The following ROCK2 variants were observed in gnomAD, a reference collection of about 807,000 sequenced individuals.
ROCK2 encodes the protein Rho associated coiled-coil containing protein kinase 2.
ROCK2 carries 61 observed loss-of-function variants against 195.1 expected under a neutral mutation model. The ratio of observed to expected loss-of-function variants is 0.31; its 90% confidence interval spans 0.25 to 0.39. ROCK2 has a LOEUF of 0.39. Among genes scored for constraint, ROCK2 ranks in the 10% least tolerant of loss-of-function variants. The pLI, the probability that ROCK2 is intolerant of heterozygous loss-of-function variation, is 1.00. For missense variants in ROCK2, 1,109 were observed against 1,637.4 expected (o/e 0.68, Z 5.57); for synonymous variants, 504 against 545.5 (o/e 0.92, Z 1.06).
At chr2:11,239,125 C>T (rs1665333471) in intron 4 of ROCK2, among the ~76,000 whole-genome samples, 1 of 151,824 alleles carries the variant, frequency 6.6e-6, no homozygotes, top group African/African-American at 2.4e-5. Flanking sequence ...TAAAAAAACA[C>T]AGGAGAATAT....
rs1461956052 is a variant in ROCK2 at position 11,201,062 on chromosome 2, T to C, written c.2805A>G (p.Gln935=). The C allele has an allele frequency of 5.0e-6, 8 of 1,613,646 alleles. No individual in the cohort carries two copies. In the African/African-American group the frequency reaches 6.7e-5, roughly 13 times the overall value. The change falls in exon 23 of 33, where the codon CAA becomes CAG. Residue 935 remains glutamine, a synonymous_variant. Coordinates refer to ENST00000315872, the MANE Select transcript of ROCK2 (RefSeq NM_004850.5). This position sits in a 1 kb window ranked among gnomAD's most constrained non-coding sequence, Gnocchi z 4.6. The stretch of plus-strand genomic sequence containing the variant: ...TCTTCTCTTTTTCCAAATCAGAATA[T>C]TGTTCTTCAGCAATTGAACGAGCCA... ...EQLARSIAEE[Q]YSDLEKEKIM...
At chr2:11,318,984 C>T (rs1173380015) in intron 1 of ROCK2, among the ~76,000 whole-genome samples, 1 of 152,128 alleles carries the variant, frequency 6.6e-6, no homozygotes, top group Non-Finnish European at 1.5e-5. Context: ...GGTACCAGTA[C>T]CATGTTGTTT....
chr2:11,229,038 T>C (rs939865369), intron 5 of ROCK2, among the ~76,000 whole-genome samples: 7 of 152,094 alleles, frequency 4.6e-5, no homozygotes, highest in African/African-American at 7.2e-5. Flanking sequence ...TTCTACACAA[T>C]GAAGACTGGA....
At chr2:11,184,585 A>T in intron 32 of ROCK2, 2 of 971,660 alleles carry the variant, frequency 2.1e-6, no homozygotes, top group Non-Finnish European at 2.4e-6. Flanking sequence ...TCAAAAATAA[A>T]AAATAATGAA....
chr2:11,338,715 AT>A (rs1046302254), intron 1 of ROCK2, among the ~76,000 whole-genome samples: 2 of 152,212 alleles, frequency 1.3e-5, no homozygotes, highest in African/African-American at 4.8e-5. Context: ...AACACGAGAT[AT>A]CCAAGCAAAC....
intron 3 of ROCK2, among the ~76,000 whole-genome samples, chr2:11,275,656 C>A (rs1666797836): frequency 6.7e-6 from 1 of 148,616 alleles, no homozygotes; most frequent in African/African-American, 2.5e-5. Flanking sequence ...ATAATCATTT[C>A]AATTGAGGGA....
intron 3 of ROCK2, among the ~76,000 whole-genome samples, chr2:11,276,706 AT>A (rs1666838670): frequency 6.6e-6 from 1 of 152,184 alleles, no homozygotes; most frequent in Non-Finnish European, 1.5e-5. Flanking sequence ...TTCTTAACTG[AT>A]CTAACAAATA....
At chr2:11,240,105 G>A (rs1260206800) in intron 4 of ROCK2, among the ~76,000 whole-genome samples, 2 of 152,050 alleles carry the variant, frequency 1.3e-5, no homozygotes, top group South Asian at 2.1e-4. Context: ...TTTCTATAAG[G>A]GCCCCATTAC....
At chr2:11,287,633 T>C (rs774235825) in intron 2 of ROCK2, 22 bp downstream of exon 2, 1 of 729,818 alleles carries the variant, frequency 1.4e-6, no homozygotes, top group South Asian at 3.7e-5. Flanking sequence ...TAAGATCAAA[T>C]ATGAAGTTTA....
chr2:11,254,106 A>G (rs1665930756), intron 3 of ROCK2, among the ~76,000 whole-genome samples: 1 of 152,252 alleles, frequency 6.6e-6, no homozygotes, highest in African/African-American at 2.4e-5. Flanking sequence ...ATACATTTGT[A>G]TACTTATTAC....
At chr2:11,283,049 C>T (rs1667061142) in intron 3 of ROCK2, among the ~76,000 whole-genome samples, 1 of 151,978 alleles carries the variant, frequency 6.6e-6, no homozygotes, top group South Asian at 2.1e-4. Context: ...GGCAGATTGC[C>T]TGAGGTCAGG....
At chr2:11,224,932 ACAATT>A (rs946418603) in intron 6 of ROCK2, among the ~76,000 whole-genome samples, 1 of 152,198 alleles carries the variant, frequency 6.6e-6, no homozygotes, top group Admixed American at 6.5e-5. Flanking sequence ...AATGAAAAAC[ACAATT>A]CCCTAGTTAT....
At chr2:11,340,679 C>G (rs1205704112) in intron 1 of ROCK2, among the ~76,000 whole-genome samples, 1 of 152,036 alleles carries the variant, frequency 6.6e-6, no homozygotes. Flanking sequence ...TTTAACTAGG[C>G]AAATAACCAG....
intron 1 of ROCK2, among the ~76,000 whole-genome samples, chr2:11,298,716 A>G (rs1418649986): frequency 6.6e-6 from 1 of 152,150 alleles, no homozygotes; most frequent in Non-Finnish European, 1.5e-5. Flanking sequence ...GGGAGGGAGC[A>G]GGTTATGAGA....
chr2:11,226,519 T>C (rs1409286247), intron 6 of ROCK2, among the ~76,000 whole-genome samples: 1 of 152,204 alleles, frequency 6.6e-6, no homozygotes, highest in African/African-American at 2.4e-5. Context: ...AAATCAATTA[T>C]GTAATTACAT....
intron 1 of ROCK2, among the ~76,000 whole-genome samples, chr2:11,333,554 G>C (rs1305984979): frequency 6.6e-6 from 1 of 152,078 alleles, no homozygotes; most frequent in Non-Finnish European, 1.5e-5. Flanking sequence ...CTACAAACAT[G>C]AAACAGTTTA....
intron 1 of ROCK2, among the ~76,000 whole-genome samples, chr2:11,335,555 T>A (rs1232707454): frequency 6.6e-6 from 1 of 152,196 alleles, no homozygotes; most frequent in Admixed American, 6.5e-5. Flanking sequence ...TTGTATAGTA[T>A]TTTCATGAAG....
chr2:11,189,884 T>C (rs1288098180), intron 32 of ROCK2, among the ~76,000 whole-genome samples: 1 of 151,816 alleles, frequency 6.6e-6, no homozygotes, highest in Non-Finnish European at 1.5e-5. Context: ...CCACCTACTC[T>C]GGGAGGCTGA....
intron 1 of ROCK2, among the ~76,000 whole-genome samples, chr2:11,329,531 G>C (rs1425673922): frequency 6.7e-6 from 1 of 150,002 alleles, no homozygotes; most frequent in Non-Finnish European, 1.5e-5. Context: ...ACTTCCCTCA[G>C]AAGAAAATTT....
Sources: gnomAD v4.1 joint callset for allele counts (sites outside exome capture counted in the v4.1 genomes callset) on GRCh38, gnomAD v4.1.1 for gene constraint, Gnocchi (gnomAD v3.1) non-coding constraint, MANE v1.5 for transcripts, NCBI Gene and HGNC (gene_info 2026-07-23, HGNC 2026-07-21) for gene names.